NCKAP5: variants seen among roughly 807,000 people sequenced by gnomAD.
NCKAP5 encodes the protein nck-associated protein 5.
NCKAP5 carries 92 observed loss-of-function variants against 167.0 expected under a neutral mutation model. The ratio of observed to expected loss-of-function variants is 0.55; its 90% confidence interval spans 0.47 to 0.66. The LOEUF (loss-of-function observed/expected upper bound fraction) is 0.66, where lower values mean the gene tolerates loss of function less well. Among genes scored for constraint, NCKAP5 ranks in the 30% least tolerant of loss-of-function variants. NCKAP5 has a pLI of 0.00. For synonymous variants in NCKAP5, 891 were observed against 877.4 expected, an observed-to-expected ratio of 1.02 and a Z score of -0.27; for missense variants, 2,378 against 2,315.0, an observed-to-expected ratio of 1.03 and a Z score of -0.56.
In NCKAP5 at chr2:133,207,866, G is replaced by A. The variant is rs181288775; in HGVS notation, c.207+5850C>T. Among the ~76,000 whole-genome samples, 12 of 152,288 alleles carry A rather than the reference G, an allele frequency of 7.9e-5. No homozygotes were observed. The East Asian group carries it at 2.3e-3, about 29-fold the overall frequency. ...AGGAGAATTCAAAATAATTTCTGTA[G>A]ATATTCCACCCTCAATGAAGTGGAG... is the stretch of plus-strand genomic sequence containing the variant. On this transcript the variant is annotated intron_variant, in intron 5 of 19. Coordinates refer to ENST00000409261, the MANE Select transcript of NCKAP5 (RefSeq NM_207363.3).
At chr2:133,333,946 G>A (rs1683042401) in intron 3 of NCKAP5, 1 of 152,196 alleles carries the variant, frequency 6.6e-6, no homozygotes, top group African/African-American at 2.4e-5. Flanking sequence ...AAAAATTAAA[G>A]ACACAAGGGA....
intron 3 of NCKAP5, among the ~76,000 whole-genome samples, chr2:133,307,466 A>G (rs1680861836): frequency 6.6e-6 from 1 of 152,164 alleles, no homozygotes; most frequent in Non-Finnish European, 1.5e-5. Flanking sequence ...TTAACGGAAA[A>G]CAATCCACAC....
At chr2:133,426,842 T>G (rs1689840305) in intron 3 of NCKAP5, among the ~76,000 whole-genome samples, 1 of 152,228 alleles carries the variant, frequency 6.6e-6, no homozygotes, top group South Asian at 2.1e-4. Flanking sequence ...TTTCCATTTT[T>G]TTTCTGTAAA....
chr2:133,009,695 A>ACCCACAATGAC lies in NCKAP5; in HGVS notation c.342-15467_342-15457dup, dbSNP rs904949211. On this transcript the variant is annotated intron_variant, in intron 6 of 19. Coordinates refer to ENST00000409261, the MANE Select transcript of NCKAP5 (RefSeq NM_207363.3). ...ACTGCCAACTGTAGGAGACGGGCAG[A>ACCCACAATGAC]CCCACAATGACCCCACAATGTATTA... Among the ~76,000 whole-genome samples, 2 of 152,276 alleles carry ACCCACAATGAC rather than the reference A, an allele frequency of 1.3e-5. 1 individual carries two copies. The highest frequency in any genetic ancestry group is 1.3e-4 in the Admixed American group (2 of 15,298).
At chr2:133,129,206 T>G (rs992186491) in intron 6 of NCKAP5, among the ~76,000 whole-genome samples, 22 of 151,966 alleles carry the variant, frequency 1.4e-4, no homozygotes, top group South Asian at 8.3e-4. Flanking sequence ...TAACTCGTCA[T>G]TTAGCATTAG....
the NCKAP5 span, among the ~76,000 whole-genome samples, chr2:133,617,021 C>T: frequency 6.6e-6 from 1 of 152,134 alleles, no homozygotes; most frequent in East Asian, 1.9e-4. Context: ...TAAATGTAAT[C>T]CAGCATATAA....
At chr2:132,994,050 A>G in intron 7 of NCKAP5, 102 bp downstream of exon 7, 1 of 797,478 alleles carries the variant, frequency 1.3e-6, no homozygotes, top group Non-Finnish European at 1.9e-6. Context: ...GGGGTCTGGA[A>G]CACACCTTTT....
intron 11 of NCKAP5, among the ~76,000 whole-genome samples, chr2:132,832,349 A>C (rs961806334): frequency 1.3e-5 from 2 of 152,122 alleles, no homozygotes; most frequent in African/African-American, 4.8e-5. Flanking sequence ...CATTGCTGGC[A>C]TGTAGAAATG....
intron 6 of NCKAP5, chr2:133,116,995 G>C (rs1357046540): frequency 6.6e-6 from 1 of 152,104 alleles, no homozygotes; most frequent in African/African-American, 2.4e-5. Flanking sequence ...TAATGGTTAA[G>C]ACCTAGGGTA....
At chr2:132,709,069 T>G (rs543252444) in intron 19 of NCKAP5, among the ~76,000 whole-genome samples, 36 of 152,256 alleles carry the variant, frequency 2.4e-4, no homozygotes, top group South Asian at 1.7e-3. Flanking sequence ...TCCAGTCACC[T>G]TGTAAAACTT....
intron 3 of NCKAP5, among the ~76,000 whole-genome samples, chr2:133,481,024 A>G (rs1680376862): frequency 6.6e-6 from 1 of 152,210 alleles, no homozygotes; most frequent in Admixed American, 6.5e-5. Context: ...GAACTGATTT[A>G]TGACTCTATT....
intron 3 of NCKAP5, among the ~76,000 whole-genome samples, chr2:133,408,875 A>G (rs919497374): frequency 1.3e-5 from 2 of 152,198 alleles, no homozygotes; most frequent in Non-Finnish European, 2.9e-5. Flanking sequence ...CAAGAAGATC[A>G]GAGAAGCAGA....
intron 8 of NCKAP5, among the ~76,000 whole-genome samples, chr2:132,893,307 T>G (rs1206199922): frequency 6.6e-6 from 1 of 152,230 alleles, no homozygotes; most frequent in Non-Finnish European, 1.5e-5. Context: ...TTGCTAGGTA[T>G]AACCCCTGTA....
chr2:133,574,379 C>T, the NCKAP5 span, among the ~76,000 whole-genome samples: 506 of 152,306 alleles, frequency 3.3e-3, 2 homozygotes, highest in East Asian at 0.032. Context: ...GGATGCTCTG[C>T]TTTTCCTTGG....
At chr2:132,959,163 G>A (rs560157141) in intron 8 of NCKAP5, among the ~76,000 whole-genome samples, 433 of 150,502 alleles carry the variant, frequency 2.9e-3, no homozygotes, top group South Asian at 4.6e-3. Flanking sequence ...GCACAGCCAG[G>A]TTTGTCTATT....
In NCKAP5 at chr2:133,012,030, G is replaced by A. The variant is rs555354723; in HGVS notation, c.342-17791C>T. Among the ~76,000 whole-genome samples, 11 of 151,942 alleles carry A rather than the reference G, an allele frequency of 7.2e-5. No individual in the cohort carries two copies. In the South Asian group the frequency reaches 1.5e-3, roughly 20 times the overall value. On this transcript the variant is annotated intron_variant, in intron 6 of 19. Coordinates refer to ENST00000409261, the MANE Select transcript of NCKAP5 (RefSeq NM_207363.3). ...TCATAGCTGTTTTTATCTCTCCACC[G>A]GATCTTCTTTATCAGATGGCAAGCA...
chr2:133,023,659 C>T (rs545811366), intron 6 of NCKAP5, among the ~76,000 whole-genome samples: 32 of 152,216 alleles, frequency 2.1e-4, no homozygotes, highest in African/African-American at 6.5e-4. Context: ...TCCATGTATA[C>T]GTAGTGCTTA....
chr2:133,149,734 T>C (rs982390170), intron 5 of NCKAP5, among the ~76,000 whole-genome samples: 1 of 152,184 alleles, frequency 6.6e-6, no homozygotes, highest in Non-Finnish European at 1.5e-5. Context: ...TCAATAGGTA[T>C]TGCCATTCAA....
chr2:133,159,439 A>G (rs1321845782), intron 5 of NCKAP5, among the ~76,000 whole-genome samples: 1 of 144,588 alleles, frequency 6.9e-6, no homozygotes, highest in Non-Finnish European at 1.5e-5. Context: ...CTGTTGACCT[A>G]CAGAATGGTG....
Sources: allele counts gnomAD v4.1 joint callset (sites outside exome capture counted in the v4.1 genomes callset), GRCh38; gene constraint gnomAD v4.1.1; transcripts MANE v1.5; gene names NCBI Gene and HGNC (gene_info 2026-07-23, HGNC 2026-07-21).